The following RTTN variants were observed in gnomAD, a reference collection of about 807,000 sequenced individuals.
The protein encoded by RTTN is rotatin.
Under a neutral mutation model 269.2 loss-of-function variants are expected in RTTN, and 182 were observed. The observed-to-expected ratio is 0.68, with a 90% confidence interval of 0.60 to 0.76. The LOEUF (loss-of-function observed/expected upper bound fraction) is 0.76. RTTN is among the 30% of genes least tolerant of loss of function. The probability of loss-of-function intolerance (pLI) is 0.00; values close to 1 mark genes in which losing one functional copy is unlikely to be tolerated. For synonymous variants in RTTN, 1,006 were observed against 963.5 expected (o/e 1.04, Z -0.82); for missense variants, 2,545 against 2,608.6 (o/e 0.98, Z 0.53).
intron 43 of RTTN, among the ~76,000 whole-genome samples, 195 bp from the exon 44 acceptor site, chr18:70,025,043 G>C (rs546644869): frequency 6.6e-6 from 1 of 152,208 alleles, no homozygotes; most frequent in African/African-American, 2.4e-5. Flanking sequence ...TCAGGACGTC[G>C]CTTCAACACC....
intron 40 of RTTN, among the ~76,000 whole-genome samples, chr18:70,035,683 TG>T (rs2057151093): frequency 6.6e-6 from 1 of 152,094 alleles, no homozygotes; most frequent in African/African-American, 2.4e-5. Context: ...GAAAAGCAAC[TG>T]CAACAAAAGC....
At chr18:70,166,306 T>C in intron 13 of RTTN, 118 bp from the exon 14 acceptor site, 6 of 981,304 alleles carry the variant, frequency 6.1e-6, no homozygotes, top group Non-Finnish European at 9.1e-6. Flanking sequence ...GAGATCTTAT[T>C]AAAAATAACC....
chr18:70,055,209 G>A (rs570913862), intron 37 of RTTN, among the ~76,000 whole-genome samples: 210 of 152,194 alleles, frequency 1.4e-3, no homozygotes, highest in African/African-American at 4.7e-3. Context: ...AATGAGCTGT[G>A]ATGTCTCATT....
chr18:70,006,075 C>T (rs1271465716), intron 47 of RTTN: 5 of 224,802 alleles, frequency 2.2e-5, no homozygotes, highest in South Asian at 1.1e-4. Context: ...TCCCTTGATA[C>T]GTCTTTTAGA....
intron 15 of RTTN, 128 bp from the exon 16 acceptor site, chr18:70,150,215 G>A (rs1180437975): frequency 2.0e-5 from 13 of 655,104 alleles, no homozygotes; most frequent in South Asian, 3.8e-5. Context: ...TCAAATGTTC[G>A]TACTTCCACA....
intron 43 of RTTN, among the ~76,000 whole-genome samples, chr18:70,025,941 A>G (rs2145561388): frequency 6.6e-6 from 1 of 152,008 alleles, no homozygotes; most frequent in Middle Eastern, 3.4e-3. Flanking sequence ...CTCTTAAACA[A>G]CTCGTCCCCA....
intron 17 of RTTN, among the ~76,000 whole-genome samples, chr18:70,147,331 T>C (rs1449950950): frequency 6.6e-6 from 1 of 152,156 alleles, no homozygotes; most frequent in Non-Finnish European, 1.5e-5. Flanking sequence ...GTGTTACAAC[T>C]GCATATGGTA....
At chr18:70,048,263 T>G in intron 39 of RTTN, 75 bp from the exon 40 acceptor site, 1 of 1,318,108 alleles carries the variant, frequency 7.6e-7, no homozygotes, top group South Asian at 1.3e-5. Context: ...AAGTTGATTT[T>G]AAAGTAACTA....
intron 44 of RTTN, 149 bp downstream of exon 44, chr18:70,024,573 C>T: frequency 1.5e-6 from 1 of 670,560 alleles, no homozygotes; most frequent in Non-Finnish European, 2.5e-6. Flanking sequence ...CTCATAATAC[C>T]TACGAGAAAG....
At chr18:70,076,918 T>A (rs1279276122) in intron 32 of RTTN, among the ~76,000 whole-genome samples, 1 of 150,414 alleles carries the variant, frequency 6.6e-6, no homozygotes, top group Non-Finnish European at 1.5e-5. Flanking sequence ...TCACAGTCAA[T>A]CTTAACATTC....
In RTTN at chr18:70,148,979, C is replaced by T. The variant is rs1335290301; in HGVS notation, c.2231G>A (p.Ser744Asn). The T allele has an allele frequency of 1.9e-6, 3 of 1,613,502 alleles. No homozygotes were observed. The highest frequency in any genetic ancestry group is 1.7e-5 in the Admixed American group (1 of 59,974). ...GNCILLLSKASSDTEEMLPCT... is the reference protein window; with the variant it reads ...GNCILLLSKANSDTEEMLPCT... ...CGGAAGCATCTCTTCTGTGTCAGAACTTGCTTTGCTTAGAAGGAGAATGCA... is the reference window on the plus strand; with the variant it reads ...CGGAAGCATCTCTTCTGTGTCAGAATTTGCTTTGCTTAGAAGGAGAATGCA... Residue 744 changes from serine (S) to asparagine (N), a missense_variant, in exon 17 of 49, where the codon AGT becomes AAT. Physicochemically the swap from Ser to Asn is conservative, Grantham distance 46 (BLOSUM62 1). Transcript: ENST00000640769.
At chr18:70,010,634 G>A (rs969172561) in intron 46 of RTTN, among the ~76,000 whole-genome samples, 3 of 152,046 alleles carry the variant, frequency 2.0e-5, no homozygotes, top group Non-Finnish European at 4.4e-5. Flanking sequence ...AGGTGAAAGG[G>A]GGAAAGATCT....
intron 11 of RTTN, among the ~76,000 whole-genome samples, chr18:70,175,973 A>G (rs2061282149): frequency 6.6e-6 from 1 of 152,144 alleles, no homozygotes; most frequent in African/African-American, 2.4e-5. Context: ...GATATTAATG[A>G]TAAGAACCAA....
chr18:70,062,415 T>A (rs1431557607), intron 35 of RTTN, among the ~76,000 whole-genome samples: 2 of 152,204 alleles, frequency 1.3e-5, no homozygotes, highest in African/African-American at 4.8e-5. Flanking sequence ...TCTCATTCAT[T>A]TCCAGCTGTT....
chr18:70,052,051 T>C (rs2057685790), intron 38 of RTTN, among the ~76,000 whole-genome samples: 1 of 152,152 alleles, frequency 6.6e-6, no homozygotes, highest in Non-Finnish European at 1.5e-5. Context: ...CAAAGAAAAG[T>C]ATGACGCAAA....
chr18:70,023,115 C>A (rs2056754314), intron 44 of RTTN, among the ~76,000 whole-genome samples: 1 of 152,114 alleles, frequency 6.6e-6, no homozygotes, highest in African/African-American at 2.4e-5. Context: ...CCTCAGCCCA[C>A]TCATTCTGGG....
At chr18:70,202,015 G>A (rs1454100251) in intron 3 of RTTN, 32 bp from the exon 4 acceptor site, 6 of 1,243,128 alleles carry the variant, frequency 4.8e-6, no homozygotes, top group Middle Eastern at 1.9e-4. Context: ...CTGTATTGTC[G>A]ATTCCTTATT....
intron 17 of RTTN, 25 bp downstream of exon 17, chr18:70,148,876 G>A (rs539694757): frequency 1.4e-5 from 22 of 1,610,160 alleles, no homozygotes; most frequent in East Asian, 4.5e-5. Context: ...AATCTTTGAC[G>A]TTCACAAGAT....
chr18:70,065,270 TAAAAAAAA>T (rs61422284), intron 35 of RTTN, among the ~76,000 whole-genome samples: 2 of 132,940 alleles, frequency 1.5e-5, no homozygotes, highest in Non-Finnish European at 3.1e-5. Context: ...CTCTAGAATT[TAAAAAAAA>T]AAAAAAAAAG....
Sources: allele counts gnomAD v4.1 joint callset (sites outside exome capture counted in the v4.1 genomes callset), GRCh38; gene constraint gnomAD v4.1.1; transcripts MANE v1.5; gene names NCBI Gene and HGNC (gene_info 2026-07-23, HGNC 2026-07-21).